PSMG2: variants seen among roughly 807,000 people sequenced by gnomAD.
The protein encoded by PSMG2 is proteasome assembly chaperone 2.
Under a neutral mutation model 31.5 loss-of-function variants are expected in PSMG2, and 21 were observed. The observed-to-expected ratio is 0.67, with a 90% CI of 0.47 to 0.96. The LOEUF (loss-of-function observed/expected upper bound fraction) is 0.96, where lower values mean the gene tolerates loss of function less well. Ranked by LOEUF, PSMG2 falls within the 40% of genes least tolerant of loss-of-function variation. The pLI is 0.00. For synonymous variants in PSMG2, 120 were observed against 110.4 expected (o/e 1.09, Z -0.54); for missense variants, 318 against 321.2 (o/e 0.99, Z 0.08).
At chr18:12,716,445 C>G (rs1446813950) in intron 3 of PSMG2, among the ~76,000 whole-genome samples, 6 of 146,768 alleles carry the variant, frequency 4.1e-5, no homozygotes, top group African/African-American at 1.5e-4. Context: ...GCAGGCTGGA[C>G]CGCAGTGGCA....
intron 1 of PSMG2, chr18:12,678,218 G>C (rs896346924): frequency 1.2e-6 from 2 of 1,614,020 alleles, no homozygotes; most frequent in Non-Finnish European, 1.7e-6. Context: ...AAGGGATGTT[G>C]TAGCTCCAGG....
intron 1 of PSMG2, among the ~76,000 whole-genome samples, chr18:12,690,939 G>GCCC (rs56296606): frequency 3.4e-5 from 5 of 148,776 alleles, no homozygotes; most frequent in African/African-American, 9.9e-5. Context: ...TATGCCCAGA[G>GCCC]CCCCCCCCCG....
chr18:12,704,550 C>CT (rs1473217394), intron 1 of PSMG2, among the ~76,000 whole-genome samples: 3 of 152,186 alleles, frequency 2.0e-5, no homozygotes, highest in Admixed American at 2.0e-4. Context: ...AATCGTGCCA[C>CT]TGCACTCCAG....
intron 1 of PSMG2, among the ~76,000 whole-genome samples, chr18:12,675,381 G>C (rs1442812298): frequency 2.0e-5 from 3 of 152,026 alleles, no homozygotes; most frequent in African/African-American, 7.2e-5. Context: ...GGGCAACAGA[G>C]CGAGACTCTG....
At chr18:12,705,570 A>AGTGTGTGTGT (rs1361528977) in intron 1 of PSMG2, among the ~76,000 whole-genome samples, 4,770 of 125,580 alleles carry the variant, frequency 0.038, 87 homozygotes, top group Admixed American at 0.066. Flanking sequence ...AGAGAGAGAG[A>AGTGTGTGTGT]GAGAGAGTGT....
upstream of PSMG2, among the ~76,000 whole-genome samples, chr18:12,698,205 T>C (rs887729652): frequency 1.6e-4 from 25 of 151,782 alleles, no homozygotes; most frequent in Admixed American, 1.6e-3. Context: ...TTAGAAGTTT[T>C]TATAAATAAT....
intron 2 of PSMG2, 114 bp downstream of exon 2, chr18:12,706,835 T>C: frequency 9.0e-7 from 1 of 1,107,968 alleles, no homozygotes; most frequent in Non-Finnish European, 1.3e-6. Context: ...GCCAACTTTG[T>C]GTAGAGTTCA....
intron 5 of PSMG2, among the ~76,000 whole-genome samples, chr18:12,723,038 T>C (rs915491212): frequency 5.9e-5 from 9 of 152,226 alleles, no homozygotes; most frequent in Non-Finnish European, 1.0e-4. Context: ...AGTACTGGGC[T>C]AGGGTGAGTG....
chr18:12,703,923 A>G (rs1598676565), intron 1 of PSMG2, among the ~76,000 whole-genome samples: 1 of 152,232 alleles, frequency 6.6e-6, no homozygotes, highest in East Asian at 1.9e-4. Context: ...AAGACTGCCA[A>G]GAATTTGGAA....
At chr18:12,724,886 TGCCAGACATAGTCTTGCAATAATAA>T (rs2040462421) in intron 6 of PSMG2, 1 of 405,112 alleles carries the variant, frequency 2.5e-6, no homozygotes, top group Non-Finnish European at 4.3e-6. Flanking sequence ...AGATTAATTA[TGCCAGACATAGTCTTGCAATAATAA>T]ACAAGCCTTC....
At chr18:12,712,128 C>T (rs2040338296) in intron 2 of PSMG2, among the ~76,000 whole-genome samples, 1 of 152,128 alleles carries the variant, frequency 6.6e-6, no homozygotes. Context: ...CTTGTAGAAC[C>T]TGATGAAAGC....
chr18:12,674,416 T>C (rs1215713153), intron 1 of PSMG2: 3 of 688,402 alleles, frequency 4.4e-6, no homozygotes, highest in Non-Finnish European at 4.7e-6. Context: ...TACTCCAGCA[T>C]GGGCAGCAGA....
At chr18:12,722,906 A>T (rs1015764194) in intron 5 of PSMG2, among the ~76,000 whole-genome samples, 1 of 152,224 alleles carries the variant, frequency 6.6e-6, no homozygotes, top group African/African-American at 2.4e-5. Flanking sequence ...AGCCTTCTCC[A>T]GGCGAGAGCC....
At chr18:12,699,671 T>TATACTTCATG (rs1284368434), upstream of PSMG2, among the ~76,000 whole-genome samples, 1 of 152,190 alleles carries the variant, frequency 6.6e-6, no homozygotes, top group Non-Finnish European at 1.5e-5. Context: ...ACTCTTCTGA[T>TATACTTCATG]ATACTTCATG....
chr18:12,715,866 T>C (rs951292721), intron 3 of PSMG2, among the ~76,000 whole-genome samples: 4 of 152,232 alleles, frequency 2.6e-5, no homozygotes, highest in African/African-American at 9.6e-5. Context: ...ATCATAAATA[T>C]ACAGCTTGGT....
chr18:12,672,980 A>G (rs1385713131), intron 1 of PSMG2: 2 of 988,660 alleles, frequency 2.0e-6, no homozygotes, highest in Non-Finnish European at 2.4e-6. Flanking sequence ...TAACCTGTGA[A>G]AAGTAATGAT....
upstream of PSMG2, chr18:12,702,573 G>C (rs200518965): frequency 6.6e-4 from 1,039 of 1,583,382 alleles, 8 homozygotes; most frequent in African/African-American, 9.7e-3. Flanking sequence ...TCTCCCCGCC[G>C]CTTCTCCCCG....
intron 1 of PSMG2, among the ~76,000 whole-genome samples, chr18:12,693,488 TTA>T (rs1397684293): frequency 6.6e-6 from 1 of 152,108 alleles, no homozygotes; most frequent in African/African-American, 2.4e-5. Flanking sequence ...AACATTTACT[TTA>T]TATGTCACAT....
chr18:12,695,335 AACTTT>A, intron 1 of PSMG2: 3 of 1,528,438 alleles, frequency 2.0e-6, no homozygotes, highest in Non-Finnish European at 2.7e-6. Context: ...TTCCCACAGA[AACTTT>A]TGATTCTGTG....
Sources: gnomAD v4.1 joint callset for allele counts (sites outside exome capture counted in the v4.1 genomes callset) on GRCh38, gnomAD v4.1.1 for gene constraint, MANE v1.5 for transcripts, NCBI Gene and HGNC (gene_info 2026-07-23, HGNC 2026-07-21) for gene names.